The following RARB variants were observed in gnomAD, a reference collection of about 807,000 sequenced individuals.
RARB encodes the protein retinoic acid receptor beta.
In RARB, 17 loss-of-function variants were observed where a neutral mutation model predicts 51.9. The observed-to-expected ratio is 0.33, with a 90% CI of 0.22 to 0.49. The LOEUF (loss-of-function observed/expected upper bound fraction) is 0.49. Ranked by LOEUF, RARB falls within the 20% of genes least tolerant of loss-of-function variation. RARB has a pLI of 0.99. For synonymous variants in RARB, 215 were observed against 195.4 expected, an observed-to-expected ratio of 1.10 and a Z score of -0.84; for missense variants, 369 against 550.8, an observed-to-expected ratio of 0.67 and a Z score of 3.30.
chr3:25,463,757 A>G (rs1387822519), intron 2 of RARB, among the ~76,000 whole-genome samples: 1 of 152,188 alleles, frequency 6.6e-6, no homozygotes, highest in East Asian at 1.9e-4. Context: ...CATTTAAATA[A>G]ACATATGTAT....
chr3:25,417,959 C>G (rs924419643), intron 5 of RARB, among the ~76,000 whole-genome samples: 1 of 152,176 alleles, frequency 6.6e-6, no homozygotes, highest in Non-Finnish European at 1.5e-5. Flanking sequence ...ATCTTGTGGC[C>G]TTGCCTCCCT....
intron 3 of RARB, among the ~76,000 whole-genome samples, chr3:25,517,342 A>T (rs1698211995): frequency 6.6e-6 from 1 of 152,256 alleles, no homozygotes; most frequent in Non-Finnish European, 1.5e-5. Context: ...GGATTTGAGT[A>T]GACATTCCAC....
At chr3:24,840,987 G>C (rs540711519) in intron 1 of RARB, among the ~76,000 whole-genome samples, 6 of 152,178 alleles carry the variant, frequency 3.9e-5, no homozygotes. Context: ...CATGCAATGA[G>C]GGGTTTTGCA....
chr3:25,100,400 A>C (rs1023908315), intron 3 of RARB, among the ~76,000 whole-genome samples: 2 of 152,202 alleles, frequency 1.3e-5, no homozygotes, highest in African/African-American at 4.8e-5. Context: ...TTCTAGATAT[A>C]GAATTTATTT....
chr3:25,085,576 A>G (rs1458357194), intron 3 of RARB, among the ~76,000 whole-genome samples: 2 of 152,048 alleles, frequency 1.3e-5, no homozygotes, highest in East Asian at 1.9e-4. Context: ...ACCATATCCA[A>G]TTCAATTCAT....
chr3:25,548,485 T>G (rs539454757), intron 3 of RARB, among the ~76,000 whole-genome samples: 2 of 152,232 alleles, frequency 1.3e-5, no homozygotes, highest in Admixed American at 6.5e-5. Context: ...AGCATTCAGA[T>G]TCCCTTGATT....
intron 4 of RARB, among the ~76,000 whole-genome samples, chr3:25,158,015 C>T (rs1017572771): frequency 1.3e-5 from 2 of 152,210 alleles, no homozygotes; most frequent in Non-Finnish European, 2.9e-5. Flanking sequence ...CAAAAGAATG[C>T]ACGTGTATAA....
chr3:25,228,858 T>A (rs1702115072), intron 5 of RARB, among the ~76,000 whole-genome samples: 2 of 152,296 alleles, frequency 1.3e-5, no homozygotes, highest in South Asian at 4.1e-4. Flanking sequence ...AGAGCAAATC[T>A]TTGAAGTAGT....
chr3:24,986,751 C>G (rs530257451), intron 2 of RARB, among the ~76,000 whole-genome samples: 5 of 152,270 alleles, frequency 3.3e-5, no homozygotes, highest in South Asian at 4.1e-4. Flanking sequence ...CTAAGCAGTA[C>G]TGTAATTTCA....
intron 5 of RARB, among the ~76,000 whole-genome samples, chr3:25,188,440 T>G (rs1701025168): frequency 6.6e-6 from 1 of 152,160 alleles, no homozygotes. Flanking sequence ...ATCAAAAGTA[T>G]TCATGCCTGA....
At chr3:25,494,428 A>G (rs528375273) in intron 2 of RARB, among the ~76,000 whole-genome samples, 2 of 152,322 alleles carry the variant, frequency 1.3e-5, no homozygotes, top group South Asian at 4.1e-4. Context: ...ATCAAGTGCC[A>G]GTTTTCCTCC....
At chr3:25,386,515 C>G (rs1253316068) in intron 5 of RARB, among the ~76,000 whole-genome samples, 4 of 152,148 alleles carry the variant, frequency 2.6e-5, no homozygotes, top group Non-Finnish European at 5.9e-5. Flanking sequence ...ACTGAAGTCA[C>G]AAAACTACTC....
At chr3:24,899,067 A>T (rs1183881821) in intron 2 of RARB, among the ~76,000 whole-genome samples, 2 of 152,194 alleles carry the variant, frequency 1.3e-5, no homozygotes, top group Non-Finnish European at 2.9e-5. Context: ...ATCATTTTAG[A>T]AATGTAAATT....
At chr3:25,390,522 T>G (rs1183744089) in intron 5 of RARB, among the ~76,000 whole-genome samples, 1 of 152,194 alleles carries the variant, frequency 6.6e-6, no homozygotes, top group Non-Finnish European at 1.5e-5. Flanking sequence ...AACGACAGCC[T>G]GTGGGATATA....
chr3:25,024,517 A>G (rs1411707371), intron 2 of RARB, among the ~76,000 whole-genome samples: 1 of 152,180 alleles, frequency 6.6e-6, no homozygotes, highest in Non-Finnish European at 1.5e-5. Flanking sequence ...ATTTCTATTT[A>G]TCTTCTCTGC....
intron 2 of RARB, among the ~76,000 whole-genome samples, chr3:25,017,453 G>A (rs1290984757): frequency 1.3e-5 from 2 of 151,940 alleles, no homozygotes; most frequent in Non-Finnish European, 2.9e-5. Context: ...ATATAAAATT[G>A]AGAAGGATTC....
At chr3:25,129,264 A>G (rs922510817) in intron 3 of RARB, among the ~76,000 whole-genome samples, 1 of 152,100 alleles carries the variant, frequency 6.6e-6, no homozygotes, top group African/African-American at 2.4e-5. Context: ...ATTAGAACCC[A>G]TGATTTCTCT....
chr3:25,241,433 T>G (rs1480615068), intron 5 of RARB, among the ~76,000 whole-genome samples: 6 of 152,146 alleles, frequency 3.9e-5, no homozygotes, highest in African/African-American at 1.4e-4. Context: ...TCATCCACAT[T>G]AGCTATTTCT....
chr3:25,321,922 T>C (rs2125439812), intron 5 of RARB, among the ~76,000 whole-genome samples: 1 of 149,482 alleles, frequency 6.7e-6, no homozygotes, highest in South Asian at 2.1e-4. Context: ...AGGCAGGCAG[T>C]AGAAGGATGG....
Sources: allele counts gnomAD v4.1 joint callset (sites outside exome capture counted in the v4.1 genomes callset), GRCh38; gene constraint gnomAD v4.1.1; transcripts MANE v1.5; gene names NCBI Gene and HGNC (gene_info 2026-07-23, HGNC 2026-07-21).